The following POLR3GL variants were observed in gnomAD, a reference collection of about 807,000 sequenced individuals.
POLR3GL encodes DNA-directed RNA polymerase III subunit RPC7-like.
In POLR3GL, 26 loss-of-function variants were observed where a neutral mutation model predicts 32.4. That is an observed-to-expected ratio of 0.80 (90% CI 0.59 to 1.11). The LOEUF is 1.11. Ranked by LOEUF, POLR3GL falls within the 50% of genes most tolerant of loss-of-function variation. The pLI, the probability that POLR3GL is intolerant of heterozygous loss-of-function variation, is 0.00. For missense variants in POLR3GL, 229 were observed against 280.1 expected (o/e 0.82, Z 1.30); for synonymous variants, 95 against 98.7 (o/e 0.96, Z 0.22).
intron 4 of POLR3GL, 29 bp downstream of exon 4, chr1:145,977,181 C>T (rs782001737): frequency 1.3e-6 from 2 of 1,578,582 alleles, no homozygotes; most frequent in Non-Finnish European, 8.7e-7. Context: ...CATTGACTGC[C>T]CTTCTTTCAA....
chr1:145,978,231 C>A lies in POLR3GL; in HGVS notation c.571-130C>A, dbSNP rs112902551. ...GGGCTTCTCTCTACTTCATCTGCCCCCCTTCTACAAACTACAGCTGGAAGA... is the reference window on the plus strand; with the variant it reads ...GGGCTTCTCTCTACTTCATCTGCCCACCTTCTACAAACTACAGCTGGAAGA... On this transcript the variant is annotated intron_variant, in intron 7 of 7. Coordinates refer to ENST00000369314, the MANE Select transcript of POLR3GL (RefSeq NM_032305.3). 27 of 1,346,188 alleles carry A rather than the reference C, an allele frequency of 2.0e-5. No individual in the cohort carries two copies. The African/African-American group carries it at 2.5e-4, about 12-fold the overall frequency. 83.4% of individuals were successfully genotyped at this position (1,346,188 alleles called of 1,614,324 possible).
chr1:145,976,729 A>G (rs1441422425), intron 3 of POLR3GL, among the ~76,000 whole-genome samples: 1 of 151,752 alleles, frequency 6.6e-6, no homozygotes, highest in African/African-American at 2.4e-5. Flanking sequence ...CCTGGCCAAC[A>G]TGGTGAAACC....
In POLR3GL at chr1:145,977,112, GATGTCAGGTCCGATTGACA is replaced by G; in HGVS notation, c.289_307del (p.Ser97ProfsTer15). 1 of 1,613,928 alleles carries G rather than the reference GATGTCAGGTCCGATTGACA, an allele frequency of 6.2e-7. No homozygotes were observed. The highest frequency in any genetic ancestry group is 1.1e-5 in the South Asian group (1 of 91,078). On this transcript the variant is annotated frameshift_variant, in exon 4 of 8. Coordinates refer to ENST00000369314, the MANE Select transcript of POLR3GL (RefSeq NM_032305.3). LOFTEE classifies it high-confidence loss of function. ...TGGAGCGTTATTCAGACAAATATCAGATGTCAGGTCCGATTGACAATGCCATCGATTGGAACCCTGGTAG... is the reference window on the plus strand; with the variant it reads ...TGGAGCGTTATTCAGACAAATATCAGATGCCATCGATTGGAACCCTGGTAG...
At position 145,977,512 on chromosome 1, in the gene POLR3GL, A is replaced by T; in HGVS notation, c.355A>T (p.Ile119Phe). Residue 119 changes from isoleucine (I) to phenylalanine (F), a missense_variant, in exon 5 of 8, where the codon ATC (isoleucine) becomes TTC (phenylalanine). Transcript: ENST00000369314. ...GCGGCGTCTACCCCGGGAGCTAAAGATCCGAGTGCGGAAGCTACAGAAGGA... is the reference window on the plus strand; with the variant it reads ...GCGGCGTCTACCCCGGGAGCTAAAGTTCCGAGTGCGGAAGCTACAGAAGGA... The part of the protein sequence containing the change: ...DWRRLPRELK[I>F]RVRKLQKERI... 5 of 1,614,128 alleles carry T rather than the reference A, an allele frequency of 3.1e-6. No individual in the cohort carries two copies. The highest frequency in any genetic ancestry group is 4.2e-6 in the Non-Finnish European group (5 of 1,180,008).
At chr1:145,976,964 G>A in intron 3 of POLR3GL, 120 bp from the exon 4 acceptor site, 2 of 784,544 alleles carry the variant, frequency 2.5e-6, no homozygotes, top group South Asian at 1.4e-5. Context: ...CTGACCCCCT[G>A]GGCTCTGGGT....
At chr1:145,975,134 C>T (rs1487440854) in intron 2 of POLR3GL, 143 bp downstream of exon 2, 8 of 1,313,942 alleles carry the variant, frequency 6.1e-6, no homozygotes, top group Non-Finnish European at 8.3e-6. Context: ...GTTTTGCAGG[C>T]AAAGAAGTGT....
At chr1:145,970,238 C>T (rs587664615) in intron 1 of POLR3GL, among the ~76,000 whole-genome samples, 5 of 152,214 alleles carry the variant, frequency 3.3e-5, no homozygotes, top group South Asian at 4.2e-4. Flanking sequence ...TCTTATCTCC[C>T]GGGCTGAAGC....
chr1:145,970,774 G>A (rs1650242301), intron 1 of POLR3GL, among the ~76,000 whole-genome samples: 1 of 150,908 alleles, frequency 6.6e-6, no homozygotes, highest in South Asian at 2.1e-4. Context: ...TACTCGGGAG[G>A]CTGAGGCAGG....
At chr1:145,972,039 TAG>T (rs1201679187) in intron 1 of POLR3GL, among the ~76,000 whole-genome samples, 53 of 128,532 alleles carry the variant, frequency 4.1e-4, no homozygotes, top group East Asian at 2.2e-3. Flanking sequence ...TGTATATATA[TAG>T]AGAGAGAGAG....
Position 145,977,093 on chromosome 1 carries a change from G to C in POLR3GL, c.266G>C (p.Arg89Pro). The C allele has an allele frequency of 6.2e-7, 1 of 1,613,744 alleles. No homozygotes were observed. Among genetic ancestry groups the C allele is most frequent in the Non-Finnish European group, 8.5e-7 (1 of 1,179,818 alleles). Residue 89 changes from arginine (R) to proline (P), a missense_variant, in exon 4 of 8, where the codon CGT becomes CCT. Arg to Pro is a moderately radical substitution (Grantham distance 103). Coordinates refer to ENST00000369314, the MANE Select transcript of POLR3GL (RefSeq NM_032305.3). ...RPAVPKRDVE[R>P]YSDKYQMSGP... ...CCCTTCCACCCCTCAGATGTGGAGC[G>C]TTATTCAGACAAATATCAGATGTCA...
intron 3 of POLR3GL, 67 bp downstream of exon 3, chr1:145,975,503 C>G: frequency 6.4e-7 from 1 of 1,570,434 alleles, no homozygotes; most frequent in East Asian, 2.3e-5. Context: ...CTCAGCACCA[C>G]TGGGGGCCAG....
In POLR3GL at chr1:145,977,981, A is replaced by T; in HGVS notation, c.457-2A>T. 6.2e-7 allele frequency: 1 copy of T among 1,613,950 alleles called. No individual in the cohort carries two copies. The highest frequency in any genetic ancestry group is 8.5e-7 in the Non-Finnish European group (1 of 1,179,868). ...TTCTATTCCTATTCATCCCCACATG[A>T]GACCCTGGAGAAGAAGGAAGAAGAA... On this transcript the variant is annotated splice_acceptor_variant, in intron 6 of 7. Transcript: ENST00000369314. LOFTEE classifies it high-confidence loss of function.
intron 4 of POLR3GL, 53 bp from the exon 5 acceptor site, chr1:145,977,430 A>C: frequency 6.5e-7 from 1 of 1,548,766 alleles, no homozygotes; most frequent in Non-Finnish European, 8.9e-7. Context: ...GTCAGTATTC[A>C]CTGGAGACCC....
intron 1 of POLR3GL, among the ~76,000 whole-genome samples, chr1:145,968,619 T>C (rs1240708284): frequency 1.3e-5 from 2 of 151,822 alleles, no homozygotes; most frequent in Non-Finnish European, 2.9e-5. Context: ...TTGCCCAGGC[T>C]GGAGTGCAGT....
chr1:145,975,456 T>G lies in POLR3GL; in HGVS notation c.256+20T>G. The G allele has an allele frequency of 6.2e-7, 1 of 1,609,160 alleles. No individual in the cohort carries two copies. Among genetic ancestry groups the G allele is most frequent in the Non-Finnish European group, 8.5e-7 (1 of 1,175,880 alleles). ...AGAGAGGTCAGTTGGAATGCTAGCA[T>G]CATATTCTGAGTGCCTTCCATGGGG... On this transcript the variant is annotated intron_variant, in intron 3 of 7. Coordinates refer to ENST00000369314, the MANE Select transcript of POLR3GL (RefSeq NM_032305.3).
chr1:145,975,561 C>A, intron 3 of POLR3GL, 125 bp downstream of exon 3: 2 of 1,060,598 alleles, frequency 1.9e-6, no homozygotes, highest in Non-Finnish European at 2.7e-6. Flanking sequence ...ATAATAGTTA[C>A]CCCTGTATCT....
intron 1 of POLR3GL, among the ~76,000 whole-genome samples, chr1:145,971,408 T>TAGTA (rs1277634123): frequency 6.6e-6 from 1 of 152,300 alleles, no homozygotes; most frequent in East Asian, 1.9e-4. Flanking sequence ...CAGACTTTAC[T>TAGTA]GTTTTTGATG....
chr1:145,972,908 G>T (rs56887108), intron 1 of POLR3GL, among the ~76,000 whole-genome samples: 6,099 of 152,064 alleles, frequency 0.04, 407 homozygotes, highest in African/African-American at 0.13. Flanking sequence ...CTGTTGTCCA[G>T]ACTGGTCTCA....
At chr1:145,972,030 G>GTA (rs1553762794) in intron 1 of POLR3GL, among the ~76,000 whole-genome samples, 12 of 128,540 alleles carry the variant, frequency 9.3e-5, no homozygotes, top group East Asian at 4.6e-4. Context: ...GTGTGTGTGT[G>GTA]TATATATATA....
Sources: allele counts gnomAD v4.1 joint callset (sites outside exome capture counted in the v4.1 genomes callset), GRCh38; gene constraint gnomAD v4.1.1; transcripts MANE v1.5; gene names NCBI Gene and HGNC (gene_info 2026-07-23, HGNC 2026-07-21).